The following CIZ1 variants were observed in gnomAD, a reference collection of about 807,000 sequenced individuals.
CIZ1 encodes the protein CDKN1A interacting zinc finger protein 1.
A neutral mutation model predicts 118.6 loss-of-function variants in CIZ1; 58 were observed. The ratio of observed to expected loss-of-function variants is 0.49; its 90% CI spans 0.40 to 0.61. CIZ1 has a LOEUF of 0.61. CIZ1 is among the 20% of genes least tolerant of loss of function. The pLI, the probability that CIZ1 is intolerant of heterozygous loss-of-function variation, is 0.00. For missense variants in CIZ1, 921 were observed against 1,115.9 expected (o/e 0.83, Z 2.49); for synonymous variants, 448 against 443.4 (o/e 1.01, Z -0.13).
At chr9:128,174,002 T>A (rs574163763) in intron 11 of CIZ1, among the ~76,000 whole-genome samples, 8 of 138,300 alleles carry the variant, frequency 5.8e-5, no homozygotes, top group African/African-American at 2.1e-4. Flanking sequence ...CGAGACTCCA[T>A]CTCAAAAACA....
rs1441592422 is a variant in CIZ1, at chr9:128,203,383, T to C, written c.-6+803A>G. The C allele has an allele frequency of 5.5e-6, 7 of 1,263,380 alleles. No individual in the cohort carries two copies. The highest frequency in any genetic ancestry group is 6.0e-6 in the Non-Finnish European group (6 of 996,242). The allele number at this position is 1,263,380 out of a possible 1,614,324, so 78.3% of individuals were successfully genotyped here. ...CGGGGGCCCCGCGGCGCAGGCAGTC[T>C]GGGCGCGCGGCTGCAGCGGCGGAGC... On this transcript the variant is annotated intron_variant, in intron 1 of 17. Transcript: ENST00000372948. The surrounding 1 kb of genome is among the most constrained non-coding windows in gnomAD (Gnocchi z 5.3).
At chr9:128,168,516 GAAAAAAAAAAAGAAAA>G (rs1829725164) in intron 14 of CIZ1, among the ~76,000 whole-genome samples, 1 of 93,504 alleles carries the variant, frequency 1.1e-5, no homozygotes, top group South Asian at 3.6e-4. Flanking sequence ...ACTCCGTCTT[GAAAAAAAAAAAGAAAA>G]AAAAAAAAAA....
chr9:128,187,990 C>A, intron 3 of CIZ1, 56 bp from the exon 4 acceptor site: 2 of 509,648 alleles, frequency 3.9e-6, no homozygotes, highest in Non-Finnish European at 7.5e-6. Flanking sequence ...TCCATCCCCC[C>A]TGACTCAGTG....
rs1159619237 is a variant in CIZ1 at position 128,186,935 on chromosome 9, TCTG to T, written c.358+925_358+927del. 8.0e-5 allele frequency among the ~76,000 whole-genome samples: 12 copies of T among 149,280 alleles called. No homozygotes were observed. The East Asian group carries it at 2.5e-3, about 31-fold the overall frequency. ...AGCTACATACTTCATACTTTCCTTG[TCTG>T]CTTTTTTTTTTTTTTTTTTGAGAGG... On this transcript the variant is annotated intron_variant, in intron 4 of 16. Coordinates refer to ENST00000372938, the MANE Select transcript of CIZ1 (RefSeq NM_001131016.2).
At chr9:128,178,617 C>T (rs1831169995) in intron 8 of CIZ1, 92 bp downstream of exon 8, 1 of 1,575,212 alleles carries the variant, frequency 6.3e-7, no homozygotes, top group South Asian at 1.1e-5. Context: ...GCCTAGCCCT[C>T]AGTCCCAGGC....
chr9:128,177,542 C>T, intron 10 of CIZ1, 24 bp downstream of exon 10: 1 of 1,229,496 alleles, frequency 8.1e-7, no homozygotes, highest in Non-Finnish European at 1.1e-6. Context: ...CACCCCTCCC[C>T]ACCCTTATCT....
chr9:128,180,905 G>A (rs1831511623), intron 5 of CIZ1, 91 bp from the exon 6 acceptor site: 33 of 919,402 alleles, frequency 3.6e-5, no homozygotes, highest in Non-Finnish European at 1.2e-5. Context: ...TCCTCCAGGG[G>A]ATGACAGGGC....
chr9:128,177,528 GC>G, intron 10 of CIZ1, 37 bp downstream of exon 10: 2 of 1,164,646 alleles, frequency 1.7e-6, no homozygotes, highest in Non-Finnish European at 1.2e-6. Context: ...TTCCACGCAG[GC>G]CCCACCCCTC....
In CIZ1 at chr9:128,166,651, G is replaced by A. The variant is rs1829464004; in HGVS notation, c.2487+108C>T. On this transcript the variant is annotated intron_variant, in intron 16 of 16. Transcript: ENST00000372938. This position sits in a 1 kb window ranked among gnomAD's most constrained non-coding sequence, Gnocchi z 4.4. ...CCCTGTTGGTGCAGGGGTGGTGCCT[G>A]GGGATTGAGGCCCTGCACAAGAGGG... The A allele has an allele frequency of 1.4e-6, 2 of 1,399,218 alleles. No homozygotes were observed. The highest frequency in any genetic ancestry group is 1.7e-5 in the Admixed American group (1 of 57,938). 86.7% of individuals were successfully genotyped at this position (1,399,218 alleles called of 1,614,324 possible). A position where few individuals can be genotyped will look rare whatever the true frequency, so the allele number is the denominator to read the frequency against.
intron 3 of CIZ1, among the ~76,000 whole-genome samples, chr9:128,189,706 G>T (rs1832884409): frequency 6.6e-6 from 1 of 152,042 alleles, no homozygotes; most frequent in Admixed American, 6.6e-5. Context: ...TGTAATCCCA[G>T]CTACTCGGGA....
intron 5 of CIZ1, among the ~76,000 whole-genome samples, chr9:128,184,770 C>T (rs553043659): frequency 6.6e-6 from 1 of 152,036 alleles, no homozygotes. Context: ...TGGGTTCAAG[C>T]GATTCTCCTG....
At chr9:128,190,938 T>C (rs1202747547) in intron 1 of CIZ1, 76 bp from the exon 2 acceptor site, 2 of 1,466,860 alleles carry the variant, frequency 1.4e-6, no homozygotes, top group African/African-American at 1.4e-5. Context: ...CCACCGCCAC[T>C]CCCCGCAGCC....
rs1829864526 is a variant in CIZ1 at position 128,169,508 on chromosome 9, T to C, written c.2043A>G (p.Gln681=). The C allele has an allele frequency of 1.9e-6, 3 of 1,614,070 alleles. No individual in the cohort carries two copies. The highest frequency in any genetic ancestry group is 2.2e-5 in the East Asian group (1 of 44,874). The change falls in exon 13 of 17, where the codon CAA becomes CAG. Residue 681 remains glutamine (Q), a synonymous_variant. Transcript: ENST00000372938. ...AAACGGTGCAGAAGGGTCGCAAGGA[T>C]TGTTTGGCAATCTGGAAAAAGGCAG... is the stretch of plus-strand genomic sequence containing the variant. ...RRTQDHKIAK[Q]SLRPFCTVCN...
Position 128,185,528 on chromosome 9 carries a change from A to C in CIZ1, c.588+19T>G, listed in dbSNP as rs2130996313. Reference sequence around the variant, plus strand: ...CCAGGGTCCCCTCCCGCCCACTCCCATCCCCACCTACCACTCACCTTTCGA... The same window carrying C: ...CCAGGGTCCCCTCCCGCCCACTCCCCTCCCCACCTACCACTCACCTTTCGA... On this transcript the variant is annotated intron_variant, in intron 5 of 16. Transcript: ENST00000372938. 23 of 1,219,630 alleles carry C rather than the reference A, an allele frequency of 1.9e-5. No homozygotes were observed. The highest frequency in any genetic ancestry group is 4.8e-5 in the Admixed American group (2 of 41,466). The allele number at this position is 1,219,630 out of a possible 1,614,324, so 75.6% of individuals were successfully genotyped here. A position where few individuals can be genotyped will look rare whatever the true frequency, so the allele number is the denominator to read the frequency against.
upstream of CIZ1, among the ~76,000 whole-genome samples, chr9:128,193,815 C>T (rs1833308022): frequency 6.6e-6 from 1 of 152,168 alleles, no homozygotes; most frequent in Non-Finnish European, 1.5e-5. Context: ...GACTCCCCTG[C>T]CTTGTGGCTA....
At chr9:128,202,298 G>A (rs150411607) in intron 1 of CIZ1, among the ~76,000 whole-genome samples, 80 of 152,324 alleles carry the variant, frequency 5.3e-4, no homozygotes, top group African/African-American at 1.8e-3. Context: ...AGCCTCCACC[G>A]TGAATACTAA....
chr9:128,169,122 C>T lies in CIZ1; in HGVS notation c.2225G>A (p.Gly742Asp), dbSNP rs1588115816. Residue 742 changes from glycine (G) to aspartate (D), a missense_variant, in exon 14 of 17, where the codon GGT becomes GAT. Gly to Asp is a moderately conservative substitution (Grantham distance 94). Coordinates refer to ENST00000372938, the MANE Select transcript of CIZ1 (RefSeq NM_001131016.2). ...ITVDAVGCFE[G>D]DEEEEEDDED... is the part of the protein sequence containing the mutation. ...ATCATCCTCTTCCTCTTCTTCATCA[C>T]CCTCGAAGCAACCCACAGCGTCCAC... is the stretch of plus-strand genomic sequence containing the variant. 1 of 1,614,052 alleles carries T rather than the reference C, an allele frequency of 6.2e-7. No homozygotes were observed. The highest frequency in any genetic ancestry group is 1.3e-5 in the African/African-American group (1 of 74,912).
At chr9:128,198,696 G>A (rs760996292) in intron 1 of CIZ1, among the ~76,000 whole-genome samples, 8 of 152,132 alleles carry the variant, frequency 5.3e-5, no homozygotes, top group African/African-American at 9.7e-5. Context: ...GTCAGGTGTG[G>A]TGGTGAGTGC....
At chr9:128,168,028 A>C (rs562293756) in intron 14 of CIZ1, among the ~76,000 whole-genome samples, 51 of 151,992 alleles carry the variant, frequency 3.4e-4, no homozygotes, top group Non-Finnish European at 5.7e-4. Flanking sequence ...CCCCCACCAC[A>C]ACGCTTCCTC....
Sources: gnomAD v4.1 joint callset for allele counts (sites outside exome capture counted in the v4.1 genomes callset) on GRCh38, gnomAD v4.1.1 for gene constraint, Gnocchi (gnomAD v3.1) non-coding constraint, MANE v1.5 for transcripts, NCBI Gene and HGNC (gene_info 2026-07-23, HGNC 2026-07-21) for gene names.